The following DNHD1 variants were observed in gnomAD, a reference collection of about 807,000 sequenced individuals.
DNHD1 encodes dynein heavy chain domain 1.
A neutral mutation model predicts 458.1 loss-of-function variants in DNHD1; 383 were observed. The ratio of observed to expected loss-of-function variants is 0.84; its 90% CI spans 0.77 to 0.91. DNHD1 has a LOEUF of 0.91. Among genes scored for constraint, DNHD1 ranks in the 40% least tolerant of loss-of-function variants. DNHD1 has a pLI of 0.00. For missense variants in DNHD1, 5,336 were observed against 5,866.1 expected, an observed-to-expected ratio of 0.91 and a Z score of 2.95; for synonymous variants, 2,203 against 2,376.9, an observed-to-expected ratio of 0.93 and a Z score of 2.13.
At position 6,534,183 on chromosome 11, in the gene DNHD1, A is replaced by T. The variant is rs1376035610; in HGVS notation, c.2998+10A>T. On this transcript the variant is annotated intron_variant, in intron 14 of 42. Transcript: ENST00000254579. ...TATGCCATCTTCACTGGTACTGAGG[A>T]TCCCTGCACCCTCCATTATCACTCT... The T allele has an allele frequency of 2.6e-6, 4 of 1,549,552 alleles. No homozygotes were observed. In the Admixed American group the frequency reaches 7.9e-5, roughly 30 times the overall value.
intron 10 of DNHD1, 84 bp from the exon 11 acceptor site, chr11:6,528,437 AC>A: frequency 4.8e-6 from 5 of 1,034,022 alleles, no homozygotes; most frequent in Non-Finnish European, 6.6e-6. Flanking sequence ...GTGTGTGTGT[AC>A]ACACACTGAG....
chr11:6,535,191 T>C (rs1208233464), intron 14 of DNHD1, among the ~76,000 whole-genome samples: 1 of 152,272 alleles, frequency 6.6e-6, no homozygotes, highest in Non-Finnish European at 1.5e-5. Context: ...AAGCTTCCAT[T>C]TCCTATGGTA....
rs191335960 is a variant in DNHD1 at position 6,561,670 on chromosome 11, G to A, written c.9520-1312G>A. On this transcript the variant is annotated intron_variant, in intron 28 of 42. Transcript: ENST00000254579. ...CACAGAGCGTGTATATAACATGGTA[G>A]GAGCTCAAAAACATTCACTAACTGT... Among the ~76,000 whole-genome samples the A allele has an allele frequency of 1.2e-4, 19 of 152,296 alleles. No homozygotes were observed. In the East Asian group the frequency reaches 3.5e-3, roughly 28 times the overall value.
At position 6,557,752 on chromosome 11, in the gene DNHD1, G is replaced by C. The variant is rs1259449833; in HGVS notation, c.8457G>C (p.Leu2819=). ...LLHPQEKPSD[L]VFSQELILGP... ...ATCCCCAGGAAAAGCCCTCAGACCT[G>C]GTCTTCAGTCAGGAGCTGATACTGG... Residue 2819 remains leucine (L), a synonymous_variant, in exon 25 of 43, where the codon CTG becomes CTC. Transcript: ENST00000254579. 1.3e-6 allele frequency: 2 copies of C among 1,551,688 alleles called. No individual in the cohort carries two copies. Among genetic ancestry groups the C allele is most frequent in the Non-Finnish European group, 8.7e-7 (1 of 1,146,988 alleles).
At position 6,563,544 on chromosome 11, in the gene DNHD1, T is replaced by C. The variant is rs1853627483; in HGVS notation, c.9832T>C (p.Cys3278Arg). The change falls in exon 30 of 43, where the codon TGC becomes CGC. Residue 3278 changes from cysteine (C) to arginine (R), a missense_variant. By Grantham distance (180) the Cys-to-Arg change is radical. Transcript: ENST00000254579. ...CTGGGCCAGTGCCAAACAGCTGTTATGCACTGAGGATTTTTATCAGGTAGG... is the reference window on the plus strand; with the variant it reads ...CTGGGCCAGTGCCAAACAGCTGTTACGCACTGAGGATTTTTATCAGGTAGG... ...TGWASAKQLL[C>R]TEDFYQELVF... is the part of the protein sequence containing the mutation. The C allele has an allele frequency of 3.2e-6, 5 of 1,551,690 alleles. No individual in the cohort carries two copies. Among genetic ancestry groups the C allele is most frequent in the Non-Finnish European group, 3.5e-6 (4 of 1,146,982 alleles).
intron 7 of DNHD1, among the ~76,000 whole-genome samples, chr11:6,518,934 GA>G (rs1333566231): frequency 1.3e-5 from 2 of 152,144 alleles, no homozygotes; most frequent in African/African-American, 4.8e-5. Flanking sequence ...AAAGGAACAG[GA>G]AAGCAGGGAA....
chr11:6,564,304 A>G lies in DNHD1; in HGVS notation c.10285-29A>G, dbSNP rs778985672. 2.2e-5 allele frequency: 33 copies of G among 1,510,422 alleles called. No individual in the cohort carries two copies. In the South Asian group the frequency reaches 4.2e-4, roughly 19 times the overall value. 93.6% of individuals were successfully genotyped at this position (1,510,422 alleles called of 1,614,324 possible). A position where few individuals can be genotyped will look rare whatever the true frequency, so the allele number is the denominator to read the frequency against. ...GCCTGCACCCTCCTCACTGGCCTAC[A>G]CAGCCTCTGGTCTTCCCTTCCACTC... On this transcript the variant is annotated intron_variant, in intron 31 of 42. Coordinates refer to ENST00000254579, the MANE Select transcript of DNHD1 (RefSeq NM_144666.3).
At chr11:6,527,001 G>C (rs1463569773) in intron 10 of DNHD1, among the ~76,000 whole-genome samples, 1 of 152,226 alleles carries the variant, frequency 6.6e-6, no homozygotes, top group Admixed American at 6.5e-5. Context: ...TTTTGAGGTT[G>C]CAGATGGTTT....
At chr11:6,539,610 C>T (rs989837825) in intron 17 of DNHD1, among the ~76,000 whole-genome samples, 6 of 152,176 alleles carry the variant, frequency 3.9e-5, no homozygotes, top group African/African-American at 1.4e-4. Flanking sequence ...CCAGAGGGTG[C>T]GAGCTGACTG....
In DNHD1 at chr11:6,566,677, T is replaced by G. The variant is rs752032361; in HGVS notation, c.11297T>G (p.Leu3766Trp). ...GAAGAACAGATGCTGCATGAAATCT[T>G]GTGCAGAGAGTATCCTGAACTCGAG... is the stretch of plus-strand genomic sequence containing the variant. ...ILEEQMLHEILCREYPELETR... is the reference protein window; with the variant it reads ...ILEEQMLHEIWCREYPELETR... Residue 3766 changes from leucine to tryptophan, a missense_variant, in exon 35 of 43, where the codon TTG (leucine) becomes TGG (tryptophan). By Grantham distance (61) the Leu-to-Trp change is moderately conservative (BLOSUM62 -2). This residue lies in a region of DNHD1 where 695 missense variants were observed against 804.2 expected (regional missense o/e 0.86). Coordinates refer to ENST00000254579, the MANE Select transcript of DNHD1 (RefSeq NM_144666.3). 3.7e-6 allele frequency: 6 copies of G among 1,613,394 alleles called. No individual in the cohort carries two copies. Among genetic ancestry groups the G allele is most frequent in the Middle Eastern group, 3.3e-4 (2 of 6,084 alleles).
In DNHD1 at chr11:6,528,863, C is replaced by T. The variant is rs967603605; in HGVS notation, c.2104-15C>T. 2.5e-5 allele frequency: 39 copies of T among 1,551,232 alleles called. No homozygotes were observed. Among genetic ancestry groups the T allele is most frequent in the Non-Finnish European group, 3.4e-5 (39 of 1,146,776 alleles). On this transcript the variant is annotated splice_polypyrimidine_tract_variant and intron_variant, in intron 11 of 42. Transcript: ENST00000254579. ...AGCCGCATGCCTCTGCCCTAAACAC[C>T]TTGTCTGCCCTTAGGGCGTGCTGTG...
At chr11:6,530,812 G>A (rs1431516972) in intron 12 of DNHD1, among the ~76,000 whole-genome samples, 1 of 140,894 alleles carries the variant, frequency 7.1e-6, no homozygotes, top group Non-Finnish European at 1.6e-5. Flanking sequence ...CTCTGGCCGT[G>A]TTTTGGTCAG....
chr11:6,512,374 C>T (rs1296703142), intron 7 of DNHD1, among the ~76,000 whole-genome samples: 4 of 147,360 alleles, frequency 2.7e-5, no homozygotes, highest in Non-Finnish European at 5.9e-5. Flanking sequence ...GCACCCACCA[C>T]CATGCCCGGC....
rs1852164410 is a variant in DNHD1, at chr11:6,502,805, AC to A, written c.801del (p.Gly268AlafsTer13). ...GGAAAAGGCCTTCCAAAAGAGCAGCACCGGCTTTTCACCTGAGACTTCCTTC... is the reference window on the plus strand; with the variant it reads ...GGAAAAGGCCTTCCAAAAGAGCAGCACGGCTTTTCACCTGAGACTTCCTTC... ...PREKAFQKSS[T>X]GFSPETSFLD... On this transcript the variant is annotated frameshift_variant, in exon 4 of 43. Transcript: ENST00000254579. LOFTEE classifies it high-confidence loss of function. The A allele has an allele frequency of 1.9e-6, 3 of 1,612,584 alleles. No homozygotes were observed. In the African/African-American group the frequency reaches 4.0e-5, roughly 22 times the overall value.
At chr11:6,542,743 A>G (rs979509036) in intron 18 of DNHD1, among the ~76,000 whole-genome samples, 1 of 152,228 alleles carries the variant, frequency 6.6e-6, no homozygotes, top group Admixed American at 6.5e-5. Flanking sequence ...GATTGGGCAC[A>G]CCTACAAATT....
At chr11:6,554,194 G>A (rs577635556) in intron 24 of DNHD1, among the ~76,000 whole-genome samples, 1 of 152,232 alleles carries the variant, frequency 6.6e-6, no homozygotes, top group African/African-American at 2.4e-5. Context: ...GTGGCCAGTT[G>A]ATTTTTAATA....
In DNHD1 at chr11:6,508,909, A is replaced by G. The variant is rs138424831; in HGVS notation, c.950A>G (p.Asp317Gly). Residue 317 changes from aspartate to glycine, a missense_variant, in exon 5 of 43, where the codon GAC becomes GGC. Around this residue, in one of 4 missense-constraint regions of DNHD1, gnomAD observed 3,932 missense variants for 4,365.6 expected, o/e 0.90. Transcript: ENST00000254579. ...RPYSLMVVPP[D>G]KVNPEHYIFS... is the part of the protein sequence containing the mutation. The stretch of plus-strand genomic sequence containing the variant: ...TACAGCCTGATGGTGGTGCCACCCG[A>G]CAAGGTGAATCCCGAGCACTACATC... The G allele has an allele frequency of 2.4e-4, 390 of 1,614,074 alleles. 2 individuals carry two copies. In the African/African-American group the frequency reaches 4.3e-3, roughly 18 times the overall value.
In DNHD1 at chr11:6,571,787, C is replaced by T. The variant is rs769536024; in HGVS notation, c.14063C>T (p.Thr4688Ile). The T allele has an allele frequency of 1.2e-6, 2 of 1,614,018 alleles. No homozygotes were observed. Among genetic ancestry groups the T allele is most frequent in the South Asian group, 2.2e-5 (2 of 91,080 alleles). ...PSPLPPVSIS[T>I]QAPGTSDLPA... ...CCTCTGCCTCCCGTCAGCATCAGCA[C>T]ACAGGCCCCGGGCACCAGTGACCTG... The change falls in exon 43 of 43, where the codon ACA (threonine) becomes ATA (isoleucine). Residue 4688 changes from threonine (T) to isoleucine (I), a missense_variant. This residue lies in a region of DNHD1 where 698 missense variants were observed against 664.9 expected (regional missense o/e 1.05). Coordinates refer to ENST00000254579, the MANE Select transcript of DNHD1 (RefSeq NM_144666.3). The surrounding 1 kb of genome is among the most constrained non-coding windows in gnomAD (Gnocchi z 5.0).
chr11:6,566,003 T>TTGCCC lies in DNHD1; in HGVS notation c.11053+12_11053+13insTGCCC. On this transcript the variant is annotated intron_variant, in intron 33 of 42. Coordinates refer to ENST00000254579, the MANE Select transcript of DNHD1 (RefSeq NM_144666.3). Reference sequence around the variant, plus strand: ...GGCAGCTGCTTGTGGTGAGAGCTGGTCCCCACCCACCCTGGCCCCTTTTTG... The same window carrying TTGCCC: ...GGCAGCTGCTTGTGGTGAGAGCTGGTTGCCCCCCCACCCACCCTGGCCCCTTTTTG... The TTGCCC allele has an allele frequency of 6.6e-7, 1 of 1,509,090 alleles. No individual in the cohort carries two copies. The highest frequency in any genetic ancestry group is 9.0e-7 in the Non-Finnish European group (1 of 1,110,810). The allele number at this position is 1,509,090 out of a possible 1,614,324, so 93.5% of individuals were successfully genotyped here.
Sources: allele counts gnomAD v4.1 joint callset (sites outside exome capture counted in the v4.1 genomes callset), GRCh38; gene constraint gnomAD v4.1.1; regional missense constraint gnomAD v4.1.1; non-coding constraint Gnocchi (gnomAD v3.1); transcripts MANE v1.5; gene names NCBI Gene and HGNC (gene_info 2026-07-23, HGNC 2026-07-21).